Variants in GSK3B observed in about 807,000 individuals in gnomAD.
GSK3B encodes glycogen synthase kinase-3 beta.
A neutral mutation model predicts 56.4 loss-of-function variants in GSK3B; 15 were observed. The ratio of observed to expected loss-of-function variants is 0.27; its 90% CI spans 0.18 to 0.41. The LOEUF is 0.41. GSK3B is among the 10% of genes least tolerant of loss of function. GSK3B has a pLI of 1.00. For missense variants in GSK3B, 300 were observed against 513.4 expected (o/e 0.58, Z 4.02); for synonymous variants, 181 against 188.9 (o/e 0.96, Z 0.34).
intron 1 of GSK3B, among the ~76,000 whole-genome samples, chr3:120,049,297 T>G (rs2058128007): frequency 1.3e-5 from 2 of 152,336 alleles, no homozygotes; most frequent in Middle Eastern, 3.4e-3. Context: ...GAGGGAATAT[T>G]CAGTGAATGT....
chr3:120,061,722 A>AATAT (rs1553752658), intron 1 of GSK3B, among the ~76,000 whole-genome samples: 5 of 151,844 alleles, frequency 3.3e-5, no homozygotes, highest in African/African-American at 1.2e-4. Flanking sequence ...AGAATATATG[A>AATAT]ATTTATTTAT....
intron 1 of GSK3B, among the ~76,000 whole-genome samples, chr3:120,073,192 G>T (rs942280626): frequency 6.9e-6 from 1 of 145,552 alleles, no homozygotes; most frequent in African/African-American, 2.5e-5. Flanking sequence ...GGACAACATA[G>T]GGAGACCTCA....
At chr3:119,876,898 C>T (rs2056321413) in intron 7 of GSK3B, among the ~76,000 whole-genome samples, 1 of 152,106 alleles carries the variant, frequency 6.6e-6, no homozygotes, top group Non-Finnish European at 1.5e-5. Flanking sequence ...GCACGAAGGC[C>T]ATCACCAGAT....
At chr3:119,979,334 C>A (rs1436980586) in intron 2 of GSK3B, among the ~76,000 whole-genome samples, 3 of 152,112 alleles carry the variant, frequency 2.0e-5, no homozygotes, top group Non-Finnish European at 4.4e-5. Context: ...CTCTCCGGGT[C>A]TCTCCTTCCT....
At chr3:120,038,921 G>A (rs2058043932) in intron 1 of GSK3B, among the ~76,000 whole-genome samples, 1 of 151,904 alleles carries the variant, frequency 6.6e-6, no homozygotes, top group African/African-American at 2.4e-5. Flanking sequence ...GACATAGACT[G>A]GGAGAAAATA....
At chr3:120,003,213 CT>C (rs1559872022) in intron 1 of GSK3B, among the ~76,000 whole-genome samples, 1 of 152,174 alleles carries the variant, frequency 6.6e-6, no homozygotes, top group Non-Finnish European at 1.5e-5. Context: ...CTCTTCTTTC[CT>C]TTTTTGCCTT....
intron 3 of GSK3B, among the ~76,000 whole-genome samples, chr3:119,942,574 A>AC (rs2057060679): frequency 6.6e-6 from 1 of 152,064 alleles, no homozygotes; most frequent in South Asian, 2.1e-4. Context: ...GAGCCACCAC[A>AC]CCCAGCTCAT....
chr3:120,001,447 T>C (rs1241402697), intron 2 of GSK3B, among the ~76,000 whole-genome samples: 2 of 152,214 alleles, frequency 1.3e-5, no homozygotes, highest in Non-Finnish European at 2.9e-5. Flanking sequence ...TGCCATGTGA[T>C]GCACCTACTC....
intron 7 of GSK3B, among the ~76,000 whole-genome samples, chr3:119,904,150 G>A (rs1011877321): frequency 1.4e-5 from 2 of 146,712 alleles, no homozygotes; most frequent in African/African-American, 4.8e-5. Context: ...TTGTGAAAAT[G>A]TGTTTTCTCT....
chr3:119,827,801 G>A (rs2055537761), intron 10 of GSK3B, among the ~76,000 whole-genome samples: 1 of 151,688 alleles, frequency 6.6e-6, no homozygotes, highest in Admixed American at 6.6e-5. Flanking sequence ...CGGAGTTAGA[G>A]AGAAGGATTG....
chr3:120,035,569 G>A (rs1035778761), intron 1 of GSK3B, among the ~76,000 whole-genome samples: 1 of 152,202 alleles, frequency 6.6e-6, no homozygotes, highest in Non-Finnish European at 1.5e-5. Flanking sequence ...TCAACTAGGA[G>A]AGCACTATTA....
At chr3:120,073,254 T>C (rs948526989) in intron 1 of GSK3B, among the ~76,000 whole-genome samples, 2 of 123,538 alleles carry the variant, frequency 1.6e-5, no homozygotes, top group Non-Finnish European at 3.3e-5. Context: ...CCTGGCATGG[T>C]GGTGCGGGCC....
chr3:119,866,293 C>T (rs1286061933), intron 8 of GSK3B, among the ~76,000 whole-genome samples: 2 of 151,910 alleles, frequency 1.3e-5, no homozygotes, highest in Non-Finnish European at 2.9e-5. Context: ...ACACTCAGAC[C>T]TTTGGTTTCA....
intron 1 of GSK3B, among the ~76,000 whole-genome samples, chr3:120,015,542 C>T (rs1345555530): frequency 4.1e-5 from 6 of 147,528 alleles, no homozygotes; most frequent in East Asian, 2.1e-4. Context: ...CCCAGCTACT[C>T]GGGAGGCTGA....
Position 119,857,537 on chromosome 3 carries a change from T to C in GSK3B, c.1096+5882A>G, listed in dbSNP as rs192792378. Among the ~76,000 whole-genome samples, 203 of 152,374 alleles carry C rather than the reference T, an allele frequency of 1.3e-3. 1 individual carries two copies. Among genetic ancestry groups the C allele is most frequent in the Admixed American group, 6.1e-3 (93 of 15,306 alleles). On this transcript the variant is annotated intron_variant, in intron 9 of 10. Transcript: ENST00000264235. ...AAGACTGCAGCAAATCAGTCACTTT[T>C]CAGGTTTCACTTTTAATTCTAGTTC...
At chr3:119,897,217 C>T (rs975690337) in intron 7 of GSK3B, among the ~76,000 whole-genome samples, 24 of 152,054 alleles carry the variant, frequency 1.6e-4, no homozygotes, top group African/African-American at 5.3e-4. Context: ...TTTTCCATGC[C>T]TAGGCACACA....
chr3:119,935,339 G>A (rs531483485), intron 3 of GSK3B, among the ~76,000 whole-genome samples: 2 of 152,040 alleles, frequency 1.3e-5, no homozygotes, highest in Admixed American at 6.5e-5. Flanking sequence ...TAAAGAGAGA[G>A]GAAAAGAGGG....
intron 3 of GSK3B, among the ~76,000 whole-genome samples, chr3:119,940,145 G>A (rs1347773320): frequency 6.6e-6 from 1 of 150,518 alleles, no homozygotes; most frequent in Non-Finnish European, 1.5e-5. Context: ...TACACATGGT[G>A]TATATAACAC....
In GSK3B at chr3:119,884,744, T is replaced by C. The variant is rs2056416126; in HGVS notation, c.814-8236A>G. Among the ~76,000 whole-genome samples the C allele has an allele frequency of 4.6e-5, 7 of 152,204 alleles. No individual in the cohort carries two copies. The South Asian group carries it at 1.5e-3, about 32-fold the overall frequency. On this transcript the variant is annotated intron_variant, in intron 7 of 10. Coordinates refer to ENST00000264235, the MANE Select transcript of GSK3B (RefSeq NM_001146156.2). ...ATCCTTTTGAGTTGTATAAAATATA[T>C]AAAGGTTTTGTAAGATCACGAGGTT...
Sources: gnomAD v4.1 joint callset for allele counts (sites outside exome capture counted in the v4.1 genomes callset) on GRCh38, gnomAD v4.1.1 for gene constraint, MANE v1.5 for transcripts, NCBI Gene and HGNC (gene_info 2026-07-23, HGNC 2026-07-21) for gene names.